CFAP299: variants seen among roughly 807,000 people sequenced by gnomAD.
CFAP299 encodes the protein cilia- and flagella-associated protein 299.
CFAP299 carries 21 observed loss-of-function variants against 27.0 expected under a neutral mutation model. That is an observed-to-expected ratio of 0.78 (90% CI 0.55 to 1.12). CFAP299 has a LOEUF of 1.12. CFAP299 is among the 50% of genes most tolerant of loss of function. CFAP299 has a pLI of 0.00. For synonymous variants in CFAP299, 104 were observed against 98.1 expected, an observed-to-expected ratio of 1.06 and a Z score of -0.36; for missense variants, 310 against 276.6, an observed-to-expected ratio of 1.12 and a Z score of -0.86.
chr4:80,613,246 G>T (rs1030655017), intron 3 of CFAP299, among the ~76,000 whole-genome samples: 3 of 152,054 alleles, frequency 2.0e-5, no homozygotes, highest in African/African-American at 7.3e-5. Flanking sequence ...GCAGGAAGTA[G>T]AAAATTCATT....
chr4:80,684,693 G>C (rs957180554), intron 3 of CFAP299, among the ~76,000 whole-genome samples: 3 of 151,946 alleles, frequency 2.0e-5, no homozygotes, highest in African/African-American at 7.3e-5. Context: ...TGTTGTTGTT[G>C]TTCTTTAATG....
At chr4:80,839,759 G>A (rs1010915192) in intron 3 of CFAP299, among the ~76,000 whole-genome samples, 1 of 151,610 alleles carries the variant, frequency 6.6e-6, no homozygotes, top group African/African-American at 2.4e-5. Flanking sequence ...TACTCTTTGT[G>A]GAATTCCCAT....
chr4:80,856,419 T>A (rs1731892526), intron 3 of CFAP299, among the ~76,000 whole-genome samples: 1 of 151,722 alleles, frequency 6.6e-6, no homozygotes, highest in Admixed American at 6.6e-5. Flanking sequence ...TAGATCCCAT[T>A]TGTCAATTTT....
chr4:80,479,315 A>G lies in CFAP299; in HGVS notation c.243-103778A>G, dbSNP rs182980410. ...TGAAAATAATTAAGAATTAGAAATT[A>G]AGTTTACAAAGAAAATTTGGAGGTA... On this transcript the variant is annotated intron_variant, in intron 2 of 5. Transcript: ENST00000358105. 7.9e-4 allele frequency among the ~76,000 whole-genome samples: 120 copies of G among 152,164 alleles called. 2 individuals are homozygous for G. Among genetic ancestry groups the G allele is most frequent in the Non-Finnish European group, 3.7e-4 (25 of 67,900 alleles).
rs373118994 is a variant in CFAP299, at chr4:80,693,655, A to G, written c.333+110472A>G. Among the ~76,000 whole-genome samples the G allele has an allele frequency of 5.2e-4, 79 of 152,028 alleles. No homozygotes were observed. In the East Asian group the frequency reaches 9.1e-3, roughly 18 times the overall value. On this transcript the variant is annotated intron_variant, in intron 3 of 5. Transcript: ENST00000358105. ...ATGTATACATATGTAACTAACCTGC[A>G]CATTGTGCACATGTACCCTAAAACT...
At chr4:80,782,452 G>A (rs1484504899) in intron 3 of CFAP299, among the ~76,000 whole-genome samples, 1 of 149,250 alleles carries the variant, frequency 6.7e-6, no homozygotes, top group East Asian at 1.9e-4. Flanking sequence ...ACCTGAAATA[G>A]AGTGCTGACT....
intron 3 of CFAP299, chr4:80,583,440 G>T (rs921624715): frequency 1.8e-5 from 4 of 217,710 alleles, no homozygotes; most frequent in African/African-American, 7.0e-5. Context: ...ATGGCAGAAT[G>T]GTTCTTTAAC....
chr4:80,553,421 T>C (rs1351402415), intron 2 of CFAP299, among the ~76,000 whole-genome samples: 1 of 152,188 alleles, frequency 6.6e-6, no homozygotes, highest in Non-Finnish European at 1.5e-5. Flanking sequence ...GGCATTTAGG[T>C]TGATTCTGTG....
At chr4:80,751,860 G>T (rs1724947373) in intron 3 of CFAP299, among the ~76,000 whole-genome samples, 1 of 152,172 alleles carries the variant, frequency 6.6e-6, no homozygotes, top group African/African-American at 2.4e-5. Context: ...GGGGCCCACA[G>T]AATGGTCCTG....
rs1032661511 is a variant in CFAP299 at position 80,449,269 on chromosome 4, C to T, written c.242+86385C>T. ...TGAAATATTATATATGTAAGTACAACTAAAAATCTTAAGTTTTTCTTAGAA... is the reference window on the plus strand; with the variant it reads ...TGAAATATTATATATGTAAGTACAATTAAAAATCTTAAGTTTTTCTTAGAA... On this transcript the variant is annotated intron_variant, in intron 2 of 5. Coordinates refer to ENST00000358105, the MANE Select transcript of CFAP299 (RefSeq NM_152770.3). Among the ~76,000 whole-genome samples the T allele has an allele frequency of 4.6e-5, 7 of 151,638 alleles. No homozygotes were observed. The East Asian group carries it at 1.4e-3, about 29-fold the overall frequency.
intron 2 of CFAP299, among the ~76,000 whole-genome samples, chr4:80,401,641 G>A (rs928451899): frequency 1.3e-5 from 2 of 152,226 alleles, no homozygotes; most frequent in Admixed American, 6.5e-5. Flanking sequence ...GGCCTTCATG[G>A]AGAACCTCTG....
upstream of CFAP299, among the ~76,000 whole-genome samples, chr4:80,335,112 A>G (rs1560517245): frequency 6.6e-6 from 1 of 152,342 alleles, no homozygotes; most frequent in East Asian, 1.9e-4. Context: ...CAGATATTTT[A>G]TTCTTTAAAA....
At chr4:80,519,736 G>A (rs911525702) in intron 2 of CFAP299, among the ~76,000 whole-genome samples, 2 of 152,116 alleles carry the variant, frequency 1.3e-5, no homozygotes, top group African/African-American at 4.8e-5. Context: ...GGCTTAAGAG[G>A]CATTCAAGGC....
At chr4:80,332,165 C>T (rs1454285547), upstream of CFAP299, among the ~76,000 whole-genome samples, 1 of 152,190 alleles carries the variant, frequency 6.6e-6, no homozygotes, top group Non-Finnish European at 1.5e-5. Flanking sequence ...GCAAAGATGT[C>T]ATAATTGACT....
At chr4:80,679,434 G>A (rs1409264825) in intron 3 of CFAP299, among the ~76,000 whole-genome samples, 1 of 151,960 alleles carries the variant, frequency 6.6e-6, no homozygotes, top group Non-Finnish European at 1.5e-5. Context: ...TAACATGAAT[G>A]TCCAGGAGTG....
At chr4:80,708,278 T>A (rs1721938025) in intron 3 of CFAP299, among the ~76,000 whole-genome samples, 1 of 152,148 alleles carries the variant, frequency 6.6e-6, no homozygotes, top group South Asian at 2.1e-4. Flanking sequence ...ATCTATGCTT[T>A]ACATTCTTAC....
At chr4:80,592,258 C>CCTCAGTAT (rs1736827740) in intron 3 of CFAP299, among the ~76,000 whole-genome samples, 1 of 151,952 alleles carries the variant, frequency 6.6e-6, no homozygotes, top group East Asian at 1.9e-4. Flanking sequence ...TGCTATTGTA[C>CCTCAGTAT]ATAACTGAGG....
At chr4:80,582,036 TTG>T (rs1256634094) in intron 2 of CFAP299, among the ~76,000 whole-genome samples, 1 of 151,900 alleles carries the variant, frequency 6.6e-6, no homozygotes, top group Non-Finnish European at 1.5e-5. Flanking sequence ...CTCTCAATTC[TTG>T]TGTTTACTCT....
At chr4:80,955,282 A>T (rs189108734) in intron 5 of CFAP299, among the ~76,000 whole-genome samples, 1 of 152,162 alleles carries the variant, frequency 6.6e-6, no homozygotes, top group East Asian at 1.9e-4. Context: ...AGGTACAGAG[A>T]TCTTTTCAGC....
Sources: allele counts gnomAD v4.1 joint callset (sites outside exome capture counted in the v4.1 genomes callset), GRCh38; gene constraint gnomAD v4.1.1; transcripts MANE v1.5; gene names NCBI Gene and HGNC (gene_info 2026-07-23, HGNC 2026-07-21).